The following NCKAP5L variants were observed in gnomAD, a reference collection of about 807,000 sequenced individuals.
The protein encoded by NCKAP5L is nck-associated protein 5-like.
In NCKAP5L, 54 loss-of-function variants were observed where a neutral mutation model predicts 103.2. The ratio of observed to expected loss-of-function variants is 0.52; its 90% CI spans 0.42 to 0.66. NCKAP5L has a LOEUF of 0.66. Ranked by LOEUF, NCKAP5L falls within the 30% of genes least tolerant of loss-of-function variation. The probability of loss-of-function intolerance (pLI) is 0.00; values close to 1 mark genes in which losing one functional copy is unlikely to be tolerated. For missense variants in NCKAP5L, 1,733 were observed against 1,750.6 expected, an observed-to-expected ratio of 0.99 and a Z score of 0.18; for synonymous variants, 762 against 748.6, an observed-to-expected ratio of 1.02 and a Z score of -0.29.
chr12:49,810,463 T>C (rs991805357), intron 1 of NCKAP5L, among the ~76,000 whole-genome samples: 32 of 152,260 alleles, frequency 2.1e-4, no homozygotes, highest in African/African-American at 7.7e-4. Context: ...GCCAAGTGGT[T>C]GTTGTTCTGC....
rs1946016308 is a variant in NCKAP5L, at chr12:49,795,273, G to A, written c.2587C>T (p.Leu863=). ...CTTGGGTCAGTGGGGCCAGGTACTA[G>A]GGGTGTGGACTGGGCCGTGGTACTA... is the stretch of plus-strand genomic sequence containing the variant. ...CGSTTAQSTP[L]VPGPTDPSQG... Residue 863 remains leucine, a synonymous_variant, in exon 8 of 13, where the codon CTA becomes TTA. Transcript: ENST00000335999. 1.3e-6 allele frequency: 2 copies of A among 1,540,140 alleles called. No homozygotes were observed. The highest frequency in any genetic ancestry group is 2.8e-5 in the African/African-American group (2 of 72,444).
chr12:49,801,722 C>T (rs891770245), intron 6 of NCKAP5L, 126 bp downstream of exon 6: 21 of 1,211,512 alleles, frequency 1.7e-5, no homozygotes, highest in Middle Eastern at 2.4e-4. Context: ...TCCATACCCC[C>T]AGAATGGAAG....
At chr12:49,818,699 A>C (rs1329933865) in intron 1 of NCKAP5L, among the ~76,000 whole-genome samples, 12 of 152,188 alleles carry the variant, frequency 7.9e-5, no homozygotes, top group African/African-American at 2.7e-4. Context: ...GCCAGTGGGT[A>C]TACGAAAAAA....
chr12:49,794,846 T>C lies in NCKAP5L; in HGVS notation c.3014A>G (p.Asn1005Ser). The C allele has an allele frequency of 1.3e-6, 2 of 1,519,108 alleles. No homozygotes were observed. Among genetic ancestry groups the C allele is most frequent in the Middle Eastern group, 1.7e-4 (1 of 5,774 alleles). 94.1% of individuals were successfully genotyped at this position (1,519,108 alleles called of 1,614,324 possible). A position where few individuals can be genotyped will look rare whatever the true frequency, so the allele number is the denominator to read the frequency against. ...GCCCTGCACCTGCCCCAGCCCCGTG[T>C]TGGGCCCTGGGGCTGGGCCACCAGG... ...PRPGGPAPGP[N>S]TGLGQVQGQL... is the part of the protein sequence containing the mutation. The change falls in exon 8 of 13, where the codon AAC (asparagine) becomes AGC (serine). Residue 1005 changes from asparagine (N) to serine (S), a missense_variant. Coordinates refer to ENST00000335999, the MANE Select transcript of NCKAP5L (RefSeq NM_001037806.4).
chr12:49,818,144 A>AC (rs1488208522), intron 1 of NCKAP5L, among the ~76,000 whole-genome samples: 1 of 151,998 alleles, frequency 6.6e-6, no homozygotes, highest in Non-Finnish European at 1.5e-5. Flanking sequence ...AAAAAAAAAA[A>AC]AACAAAAAAA....
rs946238898 is a variant in NCKAP5L, at chr12:49,809,175, C to T, written c.-98-3134G>A. On this transcript the variant is annotated intron_variant, in intron 1 of 12. Coordinates refer to ENST00000335999, the MANE Select transcript of NCKAP5L (RefSeq NM_001037806.4). ...GGAGGGCCCCAGCTCTCCCTTCCCC[C>T]TTAAAGCCAGGAGGGGACAGGGGCT... Among the ~76,000 whole-genome samples, 36 of 152,312 alleles carry T rather than the reference C, an allele frequency of 2.4e-4. 1 individual carries two copies. The highest frequency in any genetic ancestry group is 8.4e-4 in the African/African-American group (35 of 41,562).
Position 49,795,734 on chromosome 12 carries a change from A to C in NCKAP5L, c.2126T>G (p.Val709Gly). 1 of 1,604,312 alleles carries C rather than the reference A, an allele frequency of 6.2e-7. No homozygotes were observed. The highest frequency in any genetic ancestry group is 8.5e-7 in the Non-Finnish European group (1 of 1,175,846). ...CTCCAGTGGCCTGTGGATGGAGGGC[A>C]CCATGTCTCCAGCACTCTCCCCTGA... ...GKSGESAGDMVPSIHRPLEQL... is the reference protein window; with the variant it reads ...GKSGESAGDMGPSIHRPLEQL... The change falls in exon 8 of 13, where the codon GTG becomes GGG. Residue 709 changes from valine to glycine, a missense_variant. Val to Gly is a moderately radical substitution (Grantham distance 109). Coordinates refer to ENST00000335999, the MANE Select transcript of NCKAP5L (RefSeq NM_001037806.4).
intron 5 of NCKAP5L, 148 bp from the exon 6 acceptor site, chr12:49,802,115 A>C (rs144890043): frequency 1.4e-3 from 1,247 of 871,834 alleles, no homozygotes; most frequent in Admixed American, 2.2e-3. Flanking sequence ...TCTATGAGGA[A>C]TCTAAGCCTG....
intron 10 of NCKAP5L, 26 bp downstream of exon 10, chr12:49,793,326 C>G: frequency 6.3e-7 from 1 of 1,595,494 alleles, no homozygotes; most frequent in Non-Finnish European, 8.5e-7. Context: ...GGGGCAGGCC[C>G]ATCCTCAGCC....
At position 49,796,364 on chromosome 12, in the gene NCKAP5L, G is replaced by C; in HGVS notation, c.1496C>G (p.Pro499Arg). 6.3e-7 allele frequency: 1 copy of C among 1,575,874 alleles called. No individual in the cohort carries two copies. Among genetic ancestry groups the C allele is most frequent in the Non-Finnish European group, 8.6e-7 (1 of 1,161,442 alleles). ...ACCCAGACCCCTTCGGGCCAACAGT[G>C]GGGAGGGGCTGCCGTCTGAGCCACT... ...RNSGSDGSPS[P>R]LLARRGLGGG... Residue 499 changes from proline (P) to arginine (R), a missense_variant, in exon 8 of 13, where the codon CCA becomes CGA. Physicochemically the swap from Pro to Arg is moderately radical, Grantham distance 103 (BLOSUM62 -2). Transcript: ENST00000335999.
At chr12:49,793,678 A>C in intron 9 of NCKAP5L, 56 bp downstream of exon 9, 2 of 1,492,602 alleles carry the variant, frequency 1.3e-6, no homozygotes, top group Non-Finnish European at 1.8e-6. Context: ...GGGGTAAGAG[A>C]CCTGGCAGGG....
rs1945933710 is a variant in NCKAP5L at position 49,791,511 on chromosome 12, C to A, written c.*328G>T. 9.0e-6 allele frequency: 2 copies of A among 222,806 alleles called. No homozygotes were observed. The highest frequency in any genetic ancestry group is 3.4e-4 in the South Asian group (2 of 5,930). The allele number at this position is 222,806 out of a possible 1,614,324, so 13.8% of individuals were successfully genotyped here. On this transcript the variant is annotated 3_prime_UTR_variant, in exon 13 of 13. Coordinates refer to ENST00000335999, the MANE Select transcript of NCKAP5L (RefSeq NM_001037806.4). ...GATGGCACGGCTGGTGGGCAGGAAG[C>A]CCAGCACCACAAGATGGCTCAGCCT... is the stretch of plus-strand genomic sequence containing the variant.
At position 49,797,760 on chromosome 12, in the gene NCKAP5L, A is replaced by G. The variant is rs1946074695; in HGVS notation, c.466-366T>C. 6.6e-6 allele frequency among the ~76,000 whole-genome samples: 1 copy of G among 152,156 alleles called. No individual in the cohort carries two copies. Among genetic ancestry groups the G allele is most frequent in the Non-Finnish European group, 1.5e-5 (1 of 68,024 alleles). ...GGAGGCCTGTCCATTTCTCGGGCCC[A>G]GAAAGAACACACAGACTCCAGAAGG... On this transcript the variant is annotated intron_variant, in intron 7 of 12. Coordinates refer to ENST00000335999, the MANE Select transcript of NCKAP5L (RefSeq NM_001037806.4). The surrounding 1 kb of genome is among the most constrained non-coding windows in gnomAD (Gnocchi z 4.5).
At chr12:49,803,072 C>T (rs1426673873) in intron 4 of NCKAP5L, 25 bp downstream of exon 4, 6 of 1,614,132 alleles carry the variant, frequency 3.7e-6, no homozygotes, top group East Asian at 2.2e-5. Context: ...CCACATCCCC[C>T]CAGTCCCACT....
chr12:49,819,459 A>G (rs1033052736), intron 1 of NCKAP5L, among the ~76,000 whole-genome samples: 2 of 152,244 alleles, frequency 1.3e-5, no homozygotes, highest in African/African-American at 4.8e-5. Flanking sequence ...GATAAAGAAA[A>G]GATGCTATAT....
chr12:49,826,432 G>A (rs1158657001), intron 1 of NCKAP5L, among the ~76,000 whole-genome samples: 1 of 152,194 alleles, frequency 6.6e-6, no homozygotes, highest in Non-Finnish European at 1.5e-5. Flanking sequence ...CACCAGGGGT[G>A]TGTGGGACAA....
At chr12:49,793,978 G>A (rs1945984600) in intron 8 of NCKAP5L, 82 bp from the exon 9 acceptor site, 2 of 1,270,802 alleles carry the variant, frequency 1.6e-6, no homozygotes, top group Non-Finnish European at 2.1e-6. Flanking sequence ...ATGGTGCTGG[G>A]CTTAGGGAGG....
chr12:49,810,564 G>A (rs1378332841), intron 1 of NCKAP5L, among the ~76,000 whole-genome samples: 1 of 152,140 alleles, frequency 6.6e-6, no homozygotes, highest in Non-Finnish European at 1.5e-5. Context: ...CTACTACTAA[G>A]ACACTATCTG....
At chr12:49,808,326 A>G (rs1345127295) in intron 1 of NCKAP5L, among the ~76,000 whole-genome samples, 1 of 152,172 alleles carries the variant, frequency 6.6e-6, no homozygotes, top group Non-Finnish European at 1.5e-5. Context: ...TTCAGGAGAA[A>G]TACTTTCTGG....
Sources: allele counts gnomAD v4.1 joint callset (sites outside exome capture counted in the v4.1 genomes callset), GRCh38; gene constraint gnomAD v4.1.1; non-coding constraint Gnocchi (gnomAD v3.1); transcripts MANE v1.5; gene names NCBI Gene and HGNC (gene_info 2026-07-23, HGNC 2026-07-21).